The following MNAT1 variants were observed in gnomAD, a reference collection of about 807,000 sequenced individuals.
MNAT1 encodes MNAT1 component of CDK activating kinase, also known as CDK-activating kinase assembly factor MAT1.
Under a neutral mutation model 42.0 loss-of-function variants are expected in MNAT1, and 43 were observed. That is an observed-to-expected ratio of 1.02 (90% CI 0.80 to 1.32). The LOEUF (loss-of-function observed/expected upper bound fraction) is 1.32, where lower values mean the gene tolerates loss of function less well. Among genes scored for constraint, MNAT1 ranks in the 40% most tolerant of loss-of-function variants. MNAT1 has a pLI of 0.00. For synonymous variants in MNAT1, 118 were observed against 120.0 expected (o/e 0.98, Z 0.11); for missense variants, 306 against 350.4 (o/e 0.87, Z 1.01).
intron 6 of MNAT1, among the ~76,000 whole-genome samples, chr14:60,828,235 G>C (rs2033109941): frequency 6.6e-6 from 1 of 152,252 alleles, no homozygotes; most frequent in Non-Finnish European, 1.5e-5. Flanking sequence ...TTAAAAAAGA[G>C]ATTATGCCTA....
At chr14:60,817,048 A>G (rs1383560077) in intron 5 of MNAT1, among the ~76,000 whole-genome samples, 1 of 151,954 alleles carries the variant, frequency 6.6e-6, no homozygotes, top group Non-Finnish European at 1.5e-5. Flanking sequence ...TTTTTAAAGG[A>G]AATACCAGTT....
chr14:60,798,860 T>C (rs80324903), intron 3 of MNAT1, among the ~76,000 whole-genome samples: 2,680 of 152,298 alleles, frequency 0.018, 43 homozygotes, highest in East Asian at 0.092. Flanking sequence ...AAAGGTTATA[T>C]ACTGTGAACA....
At chr14:60,755,146 G>A (rs1594726593) in intron 1 of MNAT1, among the ~76,000 whole-genome samples, 1 of 151,900 alleles carries the variant, frequency 6.6e-6, no homozygotes, top group East Asian at 1.9e-4. Context: ...CTATAGGTGT[G>A]TGCCACCATG....
chr14:60,817,890 G>C (rs1594775798), intron 5 of MNAT1, among the ~76,000 whole-genome samples: 1 of 151,740 alleles, frequency 6.6e-6, no homozygotes, highest in Admixed American at 6.6e-5. Flanking sequence ...TTGTGTGTTT[G>C]TGTGTGTGTG....
chr14:60,914,152 C>G (rs2035457258), intron 7 of MNAT1, among the ~76,000 whole-genome samples: 1 of 152,226 alleles, frequency 6.6e-6, no homozygotes, highest in African/African-American at 2.4e-5. Context: ...TCCTGGTGTG[C>G]CGTTTGTTAA....
chr14:60,831,177 A>G (rs1282348602), intron 6 of MNAT1, among the ~76,000 whole-genome samples: 3 of 151,426 alleles, frequency 2.0e-5, no homozygotes, highest in African/African-American at 7.3e-5. Flanking sequence ...ATGTGGAGGT[A>G]CATGGAGATA....
intron 6 of MNAT1, among the ~76,000 whole-genome samples, chr14:60,871,917 C>T (rs2034333230): frequency 6.6e-6 from 1 of 152,136 alleles, no homozygotes; most frequent in Non-Finnish European, 1.5e-5. Flanking sequence ...GCCACTGCAC[C>T]CAGTCTCTAA....
At chr14:60,899,559 T>A (rs1045807834) in intron 7 of MNAT1, among the ~76,000 whole-genome samples, 2 of 152,198 alleles carry the variant, frequency 1.3e-5, no homozygotes, top group East Asian at 3.8e-4. Flanking sequence ...TGATGGTAAT[T>A]AGAAGAAAAT....
intron 1 of MNAT1, among the ~76,000 whole-genome samples, chr14:60,777,731 G>A (rs1442517979): frequency 6.6e-6 from 1 of 151,884 alleles, no homozygotes; most frequent in Non-Finnish European, 1.5e-5. Context: ...TTACATCTTT[G>A]TTTACCATAG....
chr14:60,742,921 C>T (rs1896514715), intron 1 of MNAT1, among the ~76,000 whole-genome samples: 1 of 152,174 alleles, frequency 6.6e-6, no homozygotes, highest in Non-Finnish European at 1.5e-5. Context: ...GTCATTTCTA[C>T]TTTTTGGCTG....
chr14:60,775,051 G>GT (rs2140309865), intron 1 of MNAT1, among the ~76,000 whole-genome samples: 1 of 152,256 alleles, frequency 6.6e-6, no homozygotes, highest in South Asian at 2.1e-4. Context: ...ATGATCATTT[G>GT]TAGGGGGAGA....
intron 7 of MNAT1, among the ~76,000 whole-genome samples, chr14:60,885,944 A>G (rs1447976182): frequency 3.9e-5 from 6 of 152,078 alleles, no homozygotes; most frequent in Admixed American, 6.6e-5. Flanking sequence ...GTTTTTTAAT[A>G]TGGTGTATGA....
intron 1 of MNAT1, among the ~76,000 whole-genome samples, chr14:60,795,604 C>T (rs150911376): frequency 4.6e-5 from 7 of 152,290 alleles, no homozygotes; most frequent in Non-Finnish European, 8.8e-5. Context: ...TAAGCAGCCA[C>T]TCTTTCTGGG....
intron 7 of MNAT1, among the ~76,000 whole-genome samples, chr14:60,963,226 C>T (rs1326732033): frequency 1.3e-5 from 2 of 152,104 alleles, no homozygotes; most frequent in African/African-American, 4.8e-5. Context: ...GTGATCTGCC[C>T]ACCTCGCCCT....
chr14:60,749,335 AAGT>A (rs2029968970), intron 1 of MNAT1, among the ~76,000 whole-genome samples: 1 of 152,162 alleles, frequency 6.6e-6, no homozygotes, highest in Non-Finnish European at 1.5e-5. Context: ...TAAGGATCTA[AAGT>A]AGTAGTTCAT....
At chr14:60,913,230 A>AT (rs893934420) in intron 7 of MNAT1, among the ~76,000 whole-genome samples, 6 of 150,790 alleles carry the variant, frequency 4.0e-5, no homozygotes, top group South Asian at 2.1e-4. Flanking sequence ...CATTCGTCTA[A>AT]TTTTTTTTTC....
chr14:60,874,004 G>A (rs1216881232), intron 6 of MNAT1, among the ~76,000 whole-genome samples: 3 of 152,006 alleles, frequency 2.0e-5, no homozygotes, highest in Admixed American at 2.0e-4. Context: ...ATTTCTCATT[G>A]CTTTCTTATA....
chr14:60,843,984 G>A (rs2033617277), intron 6 of MNAT1, among the ~76,000 whole-genome samples: 1 of 151,982 alleles, frequency 6.6e-6, no homozygotes, highest in African/African-American at 2.4e-5. Context: ...TACCTGTTTG[G>A]GTTTCTTTTT....
Position 60,768,751 on chromosome 14 carries a change from C to A in MNAT1, c.90-27466C>A, listed in dbSNP as rs577364108. Among the ~76,000 whole-genome samples, 3 of 152,254 alleles carry A rather than the reference C, an allele frequency of 2.0e-5. No individual in the cohort carries two copies. The South Asian group carries it at 6.2e-4, about 32-fold the overall frequency. On this transcript the variant is annotated intron_variant, in intron 1 of 7. Coordinates refer to ENST00000261245, the MANE Select transcript of MNAT1 (RefSeq NM_002431.4). ...AGGCTTAGAGATTCTAAGTAACTTG[C>A]CTAAGGAAACAAACTAGTAAATGGC...
Sources: gnomAD v4.1 joint callset for allele counts (sites outside exome capture counted in the v4.1 genomes callset) on GRCh38, gnomAD v4.1.1 for gene constraint, MANE v1.5 for transcripts, NCBI Gene and HGNC (gene_info 2026-07-23, HGNC 2026-07-21) for gene names.